The following DISC1 variants were observed in gnomAD, a reference collection of about 807,000 sequenced individuals.
The protein encoded by DISC1 is disrupted in schizophrenia 1 protein.
A neutral mutation model predicts 84.5 loss-of-function variants in DISC1; 57 were observed. The ratio of observed to expected loss-of-function variants is 0.67; its 90% confidence interval spans 0.55 to 0.84. The LOEUF (loss-of-function observed/expected upper bound fraction) is 0.84. Among genes scored for constraint, DISC1 ranks in the 40% least tolerant of loss-of-function variants. DISC1 has a pLI of 0.00. For synonymous variants in DISC1, 411 were observed against 415.2 expected (o/e 0.99, Z 0.12); for missense variants, 1,000 against 1,057.8 (o/e 0.95, Z 0.76).
chr1:232,026,532 G>A lies in DISC1; in HGVS notation c.2405G>A (p.Ser802Asn), dbSNP rs1285877998. The A allele has an allele frequency of 6.2e-7, 1 of 1,604,434 alleles. No individual in the cohort carries two copies. The highest frequency in any genetic ancestry group is 1.1e-5 in the South Asian group (1 of 88,844). ...GATCAACTTCACACAGCAATCCACA[G>A]TCATGATGAAGATCTCATTCATATC... is the stretch of plus-strand genomic sequence containing the variant. ...LEDQLHTAIH[S>N]HDEDLIQSLR... The change falls in exon 12 of 13, where the codon AGT becomes AAT. Residue 802 changes from serine to asparagine, a missense_variant. Transcript: ENST00000439617.
intron 3 of DISC1, among the ~76,000 whole-genome samples, chr1:231,744,255 A>T (rs1021350474): frequency 6.6e-6 from 1 of 152,058 alleles, no homozygotes. Context: ...ATGGCTTGGG[A>T]TGTTGAGCTG....
intron 9 of DISC1, among the ~76,000 whole-genome samples, chr1:231,858,687 A>G (rs734551): frequency 0.5 from 75,777 of 151,988 alleles, 19,658 homozygotes; most frequent in Admixed American, 0.6. Flanking sequence ...TTCACTTTCA[A>G]AAAAGATGTT....
intron 9 of DISC1, among the ~76,000 whole-genome samples, chr1:231,863,220 C>CTTTTTTTTTTTTTTTTTTTTT (rs533463099): frequency 3.7e-5 from 2 of 54,758 alleles, no homozygotes; most frequent in Non-Finnish European, 6.2e-5. Context: ...ATAAAATGTT[C>CTTTTTTTTTTTTTTTTTTTTT]TTTTTTTTTT....
chr1:231,876,561 C>T (rs199977892), intron 9 of DISC1, among the ~76,000 whole-genome samples: 6 of 152,232 alleles, frequency 3.9e-5, no homozygotes, highest in Non-Finnish European at 8.8e-5. Flanking sequence ...TGGCTGCAGC[C>T]TACAGAGCAA....
rs556088596 is a variant in DISC1, at chr1:231,873,161, G to A, written c.1981+54644G>A. Reference sequence around the variant, plus strand: ...ACTCAGATTTCCGACAAGAACTTCCGCTGTAAAGTGGCCATGTTAAGGAGA... The same window carrying A: ...ACTCAGATTTCCGACAAGAACTTCCACTGTAAAGTGGCCATGTTAAGGAGA... On this transcript the variant is annotated intron_variant, in intron 9 of 12. Transcript: ENST00000439617. 9.2e-5 allele frequency among the ~76,000 whole-genome samples: 14 copies of A among 152,288 alleles called. No homozygotes were observed. The South Asian group carries it at 1.0e-3, about 11-fold the overall frequency.
intron 4 of DISC1, among the ~76,000 whole-genome samples, chr1:231,757,560 T>A (rs2075266153): frequency 6.6e-6 from 1 of 152,172 alleles, no homozygotes; most frequent in South Asian, 2.1e-4. Context: ...TTAACTATCT[T>A]CAGGGGTTAA....
At chr1:231,854,648 A>G (rs187652812) in intron 9 of DISC1, 3 of 153,476 alleles carry the variant, frequency 2.0e-5, no homozygotes, top group Non-Finnish European at 1.5e-5. Context: ...TGTCTCTCCT[A>G]TGTGGTGTGT....
At chr1:231,919,714 G>T (rs182873567) in intron 9 of DISC1, among the ~76,000 whole-genome samples, 41 of 152,282 alleles carry the variant, frequency 2.7e-4, no homozygotes, top group African/African-American at 9.1e-4. Flanking sequence ...TTTTAGCTAT[G>T]TGTAATAGCT....
intron 10 of DISC1, among the ~76,000 whole-genome samples, chr1:231,977,496 C>T (rs1382928318): frequency 2.0e-5 from 3 of 152,186 alleles, no homozygotes; most frequent in Admixed American, 6.5e-5. Flanking sequence ...TCACTGTCTC[C>T]TTTGACACTG....
intron 7 of DISC1, among the ~76,000 whole-genome samples, chr1:231,796,956 A>G (rs1415753780): frequency 1.3e-5 from 2 of 152,100 alleles, no homozygotes; most frequent in African/African-American, 2.4e-5. Flanking sequence ...AGCTCAAGCG[A>G]TCCTCCTGCC....
intron 10 of DISC1, among the ~76,000 whole-genome samples, chr1:231,970,007 C>T (rs528480062): frequency 8.5e-5 from 13 of 152,300 alleles, no homozygotes; most frequent in African/African-American, 1.9e-4. Context: ...CATTGATGGA[C>T]GTTTGGGTTG....
chr1:231,857,486 A>G (rs146926977), intron 9 of DISC1, among the ~76,000 whole-genome samples: 52 of 152,268 alleles, frequency 3.4e-4, no homozygotes, highest in Non-Finnish European at 2.8e-4. Flanking sequence ...GGTTTGTCCC[A>G]GATCCCTGCC....
At position 231,837,709 on chromosome 1, in the gene DISC1, G is replaced by A. The variant is rs184431144; in HGVS notation, c.1981+19192G>A. ...GATGGGGCGAAGGTGAAATGAAAGG[G>A]AGGAGGTGAGGAGGTGGCACAAGTA... On this transcript the variant is annotated intron_variant, in intron 9 of 12. Transcript: ENST00000439617. Among the ~76,000 whole-genome samples the A allele has an allele frequency of 2.2e-4, 33 of 152,320 alleles. 1 individual carries two copies. Among genetic ancestry groups the A allele is most frequent in the Admixed American group, 1.8e-3 (27 of 15,296 alleles).
At chr1:231,801,703 G>A (rs1477033747) in intron 8 of DISC1, among the ~76,000 whole-genome samples, 3 of 152,076 alleles carry the variant, frequency 2.0e-5, no homozygotes, top group African/African-American at 7.2e-5. Context: ...ACATTTGTTT[G>A]CAACTCCTGC....
At chr1:231,906,633 A>G (rs2088667433) in intron 9 of DISC1, among the ~76,000 whole-genome samples, 3 of 152,210 alleles carry the variant, frequency 2.0e-5, no homozygotes, top group Non-Finnish European at 4.4e-5. Context: ...TTGTGATGGC[A>G]CTGTCCTTCC....
At chr1:231,964,000 C>T (rs899082731) in intron 10 of DISC1, among the ~76,000 whole-genome samples, 1 of 152,172 alleles carries the variant, frequency 6.6e-6, no homozygotes, top group Admixed American at 6.5e-5. Context: ...AGGGGTCGAT[C>T]TTTAACTGCC....
intron 9 of DISC1, among the ~76,000 whole-genome samples, chr1:231,898,462 A>C (rs1373605857): frequency 2.6e-5 from 4 of 152,216 alleles, no homozygotes; most frequent in Non-Finnish European, 4.4e-5. Flanking sequence ...GATTGACCGA[A>C]GATTTTCTTT....
intron 3 of DISC1, among the ~76,000 whole-genome samples, chr1:231,729,281 G>A (rs1230395420): frequency 6.6e-6 from 1 of 152,224 alleles, no homozygotes; most frequent in Non-Finnish European, 1.5e-5. Flanking sequence ...TTGCTATTGT[G>A]AATAGTGCCG....
At chr1:231,974,941 A>G (rs907167802) in intron 10 of DISC1, among the ~76,000 whole-genome samples, 17 of 152,176 alleles carry the variant, frequency 1.1e-4, no homozygotes, top group African/African-American at 4.1e-4. Context: ...TCCACTAAAA[A>G]TACAAAAAAT....
Sources: allele counts gnomAD v4.1 joint callset (sites outside exome capture counted in the v4.1 genomes callset), GRCh38; gene constraint gnomAD v4.1.1; transcripts MANE v1.5; gene names NCBI Gene and HGNC (gene_info 2026-07-23, HGNC 2026-07-21).